The following C5 variants were observed in gnomAD, a reference collection of about 807,000 sequenced individuals.
C5 encodes C3 and PZP-like alpha-2-macroglobulin domain-containing protein 4.
A neutral mutation model predicts 218.8 loss-of-function variants in C5; 140 were observed. The ratio of observed to expected loss-of-function variants is 0.64; its 90% CI spans 0.56 to 0.74. The LOEUF (loss-of-function observed/expected upper bound fraction) is 0.74. C5 is among the 30% of genes least tolerant of loss of function. C5 has a pLI of 0.00. For missense variants in C5, 1,700 were observed against 1,969.6 expected (o/e 0.86, Z 2.59); for synonymous variants, 614 against 682.3 (o/e 0.90, Z 1.56).
intron 20 of C5, chr9:120,999,584 T>C (rs1274043692): frequency 4.9e-6 from 1 of 205,476 alleles, no homozygotes; most frequent in African/African-American, 2.4e-5. Context: ...TGAACTGAGA[T>C]TTCAGAGTCT....
intron 2 of C5, 147 bp from the exon 3 acceptor site, chr9:121,043,313 T>A: frequency 1.4e-6 from 1 of 719,850 alleles, no homozygotes; most frequent in Non-Finnish European, 2.3e-6. Flanking sequence ...GAAGAGTAAA[T>A]AAATTTTGCC....
chr9:121,072,446 T>C, the C5 span, among the ~76,000 whole-genome samples: 12 of 151,988 alleles, frequency 7.9e-5, no homozygotes, highest in Admixed American at 6.6e-5. Flanking sequence ...CATATGCAAA[T>C]AGAACTGAAA....
rs1168420274 is a variant in C5, at chr9:121,050,185, T to TA, written c.61_62insT (p.Gln21LeufsTer17). 2 of 1,611,834 alleles carry TA rather than the reference T, an allele frequency of 1.2e-6. No individual in the cohort carries two copies. The highest frequency in any genetic ancestry group is 2.2e-5 in the South Asian group (2 of 91,036). ...GAAGATAGCTTGTTTTACTTACGTT[T>TA]GCTCCTGTCCCCAGGTTTTCCCCAG... On this transcript the variant is annotated frameshift_variant, in exon 1 of 41. Coordinates refer to ENST00000223642, the MANE Select transcript of C5 (RefSeq NM_001735.3). LOFTEE classifies it high-confidence loss of function.
At chr9:120,961,425 GT>G in intron 37 of C5, 56 bp downstream of exon 37, 1 of 1,103,530 alleles carries the variant, frequency 9.1e-7, no homozygotes, top group Non-Finnish European at 1.4e-6. Context: ...TTAACCTCAG[GT>G]TATGAACGAC....
In C5 at chr9:120,957,262, C is replaced by A. The variant is rs10985107; in HGVS notation, c.4762+23G>T. ...ACTAAATAGTTGCTGAATGAAGGAACGAATGAACGAATGAATTCTCACCAG... is the reference window on the plus strand; with the variant it reads ...ACTAAATAGTTGCTGAATGAAGGAAAGAATGAACGAATGAATTCTCACCAG... On this transcript the variant is annotated intron_variant, in intron 39 of 40. Coordinates refer to ENST00000223642, the MANE Select transcript of C5 (RefSeq NM_001735.3). The A allele has an allele frequency of 2.0e-6, 3 of 1,514,620 alleles. No homozygotes were observed. In the African/African-American group the frequency reaches 4.1e-5, roughly 21 times the overall value. 93.8% of individuals were successfully genotyped at this position (1,514,620 alleles called of 1,614,324 possible). A position where few individuals can be genotyped will look rare whatever the true frequency, so the allele number is the denominator to read the frequency against.
At chr9:120,953,025 G>A (rs1363786952) in intron 40 of C5, among the ~76,000 whole-genome samples, 157 bp from the exon 41 acceptor site, 4 of 152,144 alleles carry the variant, frequency 2.6e-5, no homozygotes, top group Non-Finnish European at 4.4e-5. Context: ...TCGGGTTCAC[G>A]CCATTCTCCT....
At chr9:120,981,368 C>T (rs1393785269) in intron 27 of C5, among the ~76,000 whole-genome samples, 3 of 152,188 alleles carry the variant, frequency 2.0e-5, no homozygotes, top group African/African-American at 4.8e-5. Flanking sequence ...TCACTTTTCT[C>T]CCGTTTCCAA....
intron 7 of C5, among the ~76,000 whole-genome samples, chr9:121,028,697 G>A (rs779927484): frequency 2.0e-5 from 3 of 152,136 alleles, no homozygotes; most frequent in Non-Finnish European, 4.4e-5. Flanking sequence ...CCTGTCATGG[G>A]GTGGGGGACG....
At chr9:121,046,437 T>C in intron 1 of C5, 54 bp from the exon 2 acceptor site, 1 of 1,302,658 alleles carries the variant, frequency 7.7e-7, no homozygotes, top group Admixed American at 1.7e-5. Context: ...ATATTTTCTT[T>C]TACTTTTGAT....
chr9:121,016,166 C>G lies in C5; in HGVS notation c.1996+88G>C, dbSNP rs1308246845. ...GTCTTGGCATTCTAAGATCAGGGTACAGAATATTTGGGAAGAAGGATAAAA... is the reference window on the plus strand; with the variant it reads ...GTCTTGGCATTCTAAGATCAGGGTAGAGAATATTTGGGAAGAAGGATAAAA... On this transcript the variant is annotated intron_variant, in intron 15 of 40. Transcript: ENST00000223642. The G allele has an allele frequency of 4.4e-5, 66 of 1,512,098 alleles. No individual in the cohort carries two copies. In the East Asian group the frequency reaches 1.3e-3, roughly 31 times the overall value. 93.7% of individuals were successfully genotyped at this position (1,512,098 alleles called of 1,614,324 possible).
chr9:120,991,358 T>G, intron 22 of C5, 78 bp from the exon 23 acceptor site: 1 of 806,732 alleles, frequency 1.2e-6, no homozygotes, highest in Non-Finnish European at 2.2e-6. Context: ...TGTATCTACT[T>G]CCAAAGAATA....
chr9:120,993,586 C>T (rs1181633499), intron 22 of C5, among the ~76,000 whole-genome samples: 1 of 152,112 alleles, frequency 6.6e-6, no homozygotes, highest in Admixed American at 6.5e-5. Context: ...CCACGCCTGG[C>T]TAATTTTTTG....
chr9:121,033,068 A>G (rs1034640487), intron 5 of C5, among the ~76,000 whole-genome samples: 1 of 149,036 alleles, frequency 6.7e-6, no homozygotes, highest in African/African-American at 2.4e-5. Flanking sequence ...GTATACACAC[A>G]TATATATACA....
chr9:121,028,109 G>A (rs1423188550), intron 7 of C5, among the ~76,000 whole-genome samples: 1 of 152,156 alleles, frequency 6.6e-6, no homozygotes, highest in Admixed American at 6.5e-5. Flanking sequence ...ATCATCACTG[G>A]TCATCAGAGA....
At position 120,989,051 on chromosome 9, in the gene C5, G is replaced by T; in HGVS notation, c.3225C>A (p.Ser1075Arg). Residue 1075 changes from serine to arginine, a missense_variant, in exon 25 of 41, where the codon AGC becomes AGA. Coordinates refer to ENST00000223642, the MANE Select transcript of C5 (RefSeq NM_001735.3). ...SYSVWKGGSASTWLTAFALRV... is the reference protein window; with the variant it reads ...SYSVWKGGSARTWLTAFALRV... ...ACTCAAAATCTTCTACTTACCAAGT[G>T]CTAGCACTTCCACCCTTCCACACAC... 1 of 1,610,320 alleles carries T rather than the reference G, an allele frequency of 6.2e-7. No individual in the cohort carries two copies. Among genetic ancestry groups the T allele is most frequent in the Non-Finnish European group, 8.5e-7 (1 of 1,176,474 alleles).
intron 3 of C5, among the ~76,000 whole-genome samples, chr9:121,038,337 T>C (rs2131810370): frequency 6.6e-6 from 1 of 152,334 alleles, no homozygotes; most frequent in South Asian, 2.1e-4. Flanking sequence ...TAGAGGAGCA[T>C]AATATATTGT....
At chr9:120,982,143 C>G (rs1167732820) in intron 26 of C5, among the ~76,000 whole-genome samples, 1 of 152,230 alleles carries the variant, frequency 6.6e-6, no homozygotes, top group Admixed American at 6.5e-5. Context: ...TTCTGAGTAG[C>G]TGGTACTACA....
At chr9:120,975,954 A>G (rs1293870083) in intron 29 of C5, among the ~76,000 whole-genome samples, 1 of 152,208 alleles carries the variant, frequency 6.6e-6, no homozygotes, top group Non-Finnish European at 1.5e-5. Context: ...GAGATGTTAA[A>G]CAATGTGGCC....
At chr9:120,991,330 T>C (rs771953149) in intron 22 of C5, 50 bp from the exon 23 acceptor site, 10 of 980,952 alleles carry the variant, frequency 1.0e-5, no homozygotes, top group Non-Finnish European at 1.5e-5. Context: ...GGGAAGACTG[T>C]TTGCAGATTA....
Sources: allele counts gnomAD v4.1 joint callset (sites outside exome capture counted in the v4.1 genomes callset), GRCh38; gene constraint gnomAD v4.1.1; transcripts MANE v1.5; gene names NCBI Gene and HGNC (gene_info 2026-07-23, HGNC 2026-07-21).